Variants in DCTN6 observed in about 807,000 individuals in gnomAD.
DCTN6 encodes the protein dynactin 6.
A neutral mutation model predicts 25.8 loss-of-function variants in DCTN6; 15 were observed. The ratio of observed to expected loss-of-function variants is 0.58; its 90% CI spans 0.39 to 0.89. The LOEUF is 0.89. Ranked by LOEUF, DCTN6 falls within the 40% of genes least tolerant of loss-of-function variation. The probability of loss-of-function intolerance (pLI) is 0.00; values close to 1 mark genes in which losing one functional copy is unlikely to be tolerated. For synonymous variants in DCTN6, 64 were observed against 78.3 expected, an observed-to-expected ratio of 0.82 and a Z score of 0.96; for missense variants, 198 against 237.6, an observed-to-expected ratio of 0.83 and a Z score of 1.09.
intron 1 of DCTN6, among the ~76,000 whole-genome samples, chr8:30,157,876 T>C (rs542954190): frequency 1.3e-5 from 2 of 152,362 alleles, no homozygotes; most frequent in South Asian, 2.1e-4. Flanking sequence ...TAATCTTTTT[T>C]CATAAGCTAA....
At chr8:30,162,247 C>T (rs1391735060) in intron 1 of DCTN6, among the ~76,000 whole-genome samples, 12 of 152,032 alleles carry the variant, frequency 7.9e-5, no homozygotes, top group African/African-American at 2.4e-4. Context: ...CCACCATGCC[C>T]GGCTAATTTT....
intron 1 of DCTN6, among the ~76,000 whole-genome samples, chr8:30,159,113 G>A (rs752425918): frequency 6.6e-6 from 1 of 152,174 alleles, no homozygotes; most frequent in Non-Finnish European, 1.5e-5. Context: ...GTATCACCCA[G>A]AAGGACCATT....
chr8:30,158,323 G>T (rs928952784), intron 1 of DCTN6, among the ~76,000 whole-genome samples: 1 of 152,100 alleles, frequency 6.6e-6, no homozygotes, highest in Non-Finnish European at 1.5e-5. Context: ...TTTTATAGAG[G>T]CTAATGTATT....
intron 2 of DCTN6, among the ~76,000 whole-genome samples, chr8:30,167,359 G>T (rs940256125): frequency 6.6e-6 from 1 of 152,088 alleles, no homozygotes; most frequent in African/African-American, 2.4e-5. Flanking sequence ...TTGTTTGTTT[G>T]TTTAGAACCA....
chr8:30,169,401 G>T (rs1167485707), intron 2 of DCTN6, among the ~76,000 whole-genome samples: 1 of 152,178 alleles, frequency 6.6e-6, no homozygotes, highest in Non-Finnish European at 1.5e-5. Flanking sequence ...ATGGAAATTG[G>T]ATGCAAGGAA....
rs182471652 is a variant in DCTN6 at position 30,178,915 on chromosome 8, C to T, written c.284-493C>T. On this transcript the variant is annotated intron_variant, in intron 4 of 6. Transcript: ENST00000221114. ...CAAGCAATCCTCCCACCTTGGCCTC[C>T]CAGAGTGCTGGGGTTACAGATGTGA... is the stretch of plus-strand genomic sequence containing the variant. 1.9e-3 allele frequency among the ~76,000 whole-genome samples: 286 copies of T among 152,286 alleles called. 1 individual carries two copies. Among genetic ancestry groups the T allele is most frequent in the Middle Eastern group, 3.4e-3 (1 of 294 alleles).
chr8:30,175,980 A>G (rs538415916), intron 3 of DCTN6, among the ~76,000 whole-genome samples: 1 of 152,368 alleles, frequency 6.6e-6, no homozygotes, highest in East Asian at 1.9e-4. Context: ...CTCAACTGTC[A>G]GAGATAAAGC....
At chr8:30,173,286 T>A (rs1262897527) in intron 2 of DCTN6, among the ~76,000 whole-genome samples, 1 of 152,160 alleles carries the variant, frequency 6.6e-6, no homozygotes. Context: ...ACCTCCTTAT[T>A]TATTTTAGTA....
intron 4 of DCTN6, among the ~76,000 whole-genome samples, chr8:30,178,323 C>T (rs989113688): frequency 6.6e-5 from 10 of 151,820 alleles, no homozygotes; most frequent in South Asian, 6.3e-4. Flanking sequence ...ATTAGCCGGG[C>T]GTGATGGTAC....
intron 2 of DCTN6, among the ~76,000 whole-genome samples, chr8:30,173,511 CAGG>C (rs1803790194): frequency 6.6e-6 from 1 of 152,004 alleles, no homozygotes; most frequent in African/African-American, 2.4e-5. Flanking sequence ...GAGGCTGAGG[CAGG>C]AGGATTTCTT....
chr8:30,168,625 A>G (rs1049988504), intron 2 of DCTN6, among the ~76,000 whole-genome samples: 2 of 152,162 alleles, frequency 1.3e-5, no homozygotes, highest in African/African-American at 4.8e-5. Flanking sequence ...ATTCTGAAAT[A>G]TTTCAGGAAG....
At chr8:30,163,516 G>T (rs1430768715) in intron 1 of DCTN6, among the ~76,000 whole-genome samples, 2 of 152,116 alleles carry the variant, frequency 1.3e-5, no homozygotes, top group Non-Finnish European at 2.9e-5. Context: ...TTCCACTGAT[G>T]AATATCTAGG....
intron 2 of DCTN6, among the ~76,000 whole-genome samples, chr8:30,174,678 T>A (rs968165382): frequency 6.6e-6 from 1 of 151,872 alleles, no homozygotes; most frequent in African/African-American, 2.4e-5. Flanking sequence ...GCAAAGAGAG[T>A]GTTACCTTGC....
chr8:30,168,889 A>T (rs1206384438), intron 2 of DCTN6, among the ~76,000 whole-genome samples: 1 of 152,244 alleles, frequency 6.6e-6, no homozygotes, highest in African/African-American at 2.4e-5. Context: ...GTTTCATAGC[A>T]TCAAGCCTAT....
intron 2 of DCTN6, among the ~76,000 whole-genome samples, chr8:30,165,201 G>A (rs1460291298): frequency 6.6e-6 from 1 of 152,094 alleles, no homozygotes; most frequent in Non-Finnish European, 1.5e-5. Flanking sequence ...GTGTAGCCTT[G>A]CCAGAGTTCA....
intron 1 of DCTN6, among the ~76,000 whole-genome samples, chr8:30,160,775 G>GACT (rs941364395): frequency 6.6e-6 from 1 of 152,168 alleles, no homozygotes; most frequent in African/African-American, 2.4e-5. Flanking sequence ...TTATATCAGA[G>GACT]ACTTGAACAT....
intron 1 of DCTN6, among the ~76,000 whole-genome samples, chr8:30,159,476 A>G (rs114002931): frequency 0.011 from 1,637 of 152,202 alleles, 33 homozygotes; most frequent in African/African-American, 0.037. Context: ...AATGATGGAG[A>G]GACATGTTAA....
At chr8:30,167,864 A>T (rs1803704942) in intron 2 of DCTN6, among the ~76,000 whole-genome samples, 1 of 151,918 alleles carries the variant, frequency 6.6e-6, no homozygotes, top group African/African-American at 2.4e-5. Flanking sequence ...ACACTTGGCT[A>T]ATTTTTTTGT....
intron 3 of DCTN6, 127 bp from the exon 4 acceptor site, chr8:30,176,994 ATAACT>A (rs1156474077): frequency 1.3e-5 from 8 of 631,216 alleles, no homozygotes; most frequent in African/African-American, 7.4e-5. Context: ...AAAAAAAGAA[ATAACT>A]TATATAGTCA....
Sources: allele counts gnomAD v4.1 joint callset (sites outside exome capture counted in the v4.1 genomes callset), GRCh38; gene constraint gnomAD v4.1.1; transcripts MANE v1.5; gene names NCBI Gene and HGNC (gene_info 2026-07-23, HGNC 2026-07-21).